The following GHR variants were observed in gnomAD, a reference collection of about 807,000 sequenced individuals.
GHR encodes growth hormone receptor.
GHR carries 35 observed loss-of-function variants against 67.1 expected under a neutral mutation model. The ratio of observed to expected loss-of-function variants is 0.52; its 90% confidence interval spans 0.40 to 0.69. The LOEUF (loss-of-function observed/expected upper bound fraction) is 0.69, where lower values mean the gene tolerates loss of function less well. Ranked by LOEUF, GHR falls within the 30% of genes least tolerant of loss-of-function variation. The pLI is 0.00. For synonymous variants in GHR, 272 were observed against 269.1 expected, an observed-to-expected ratio of 1.01 and a Z score of -0.10; for missense variants, 792 against 764.6, an observed-to-expected ratio of 1.04 and a Z score of -0.42.
chr5:42,514,941 A>T (rs1272475451), intron 1 of GHR: 1 of 152,178 alleles, frequency 6.6e-6, no homozygotes, highest in African/African-American at 2.4e-5. Context: ...TCTGAAAGTA[A>T]ACAGTCTCAT....
At chr5:42,718,207 A>C in intron 9 of GHR, 86 bp downstream of exon 9, 1 of 794,510 alleles carries the variant, frequency 1.3e-6, no homozygotes, top group South Asian at 1.5e-5. Context: ...TCTGTAAGCT[A>C]TATATATCAC....
intron 2 of GHR, among the ~76,000 whole-genome samples, chr5:42,624,676 T>C (rs914001077): frequency 2.4e-4 from 36 of 152,240 alleles, no homozygotes; most frequent in Non-Finnish European, 1.2e-4. Flanking sequence ...ACTTAATTTT[T>C]TTCTTCCTTT....
chr5:42,714,951 C>A (rs1758648099), intron 8 of GHR, among the ~76,000 whole-genome samples: 2 of 152,126 alleles, frequency 1.3e-5, no homozygotes, highest in Middle Eastern at 3.4e-3. Flanking sequence ...GAATTTCTAG[C>A]CATTGTGAAG....
chr5:42,600,949 G>A (rs1392937908), intron 2 of GHR, among the ~76,000 whole-genome samples: 7 of 61,914 alleles, frequency 1.1e-4, no homozygotes, highest in Non-Finnish European at 1.9e-4. Flanking sequence ...TTTTTGTGAC[G>A]GAGTTTTGCT....
Position 42,424,786 on chromosome 5 carries a change from A to G in GHR, c.-12+831A>G, listed in dbSNP as rs2111853702. ...CAGGGCACTTGCGAGTGCGTGGGGA[A>G]GTCTATTTGGGGCGAGTGCTTTATA... is the stretch of plus-strand genomic sequence containing the variant. On this transcript the variant is annotated intron_variant, in intron 1 of 9. Transcript: ENST00000230882. This position sits in a 1 kb window ranked among gnomAD's most constrained non-coding sequence, Gnocchi z 4.1. 6.6e-6 allele frequency among the ~76,000 whole-genome samples: 1 copy of G among 152,134 alleles called. No homozygotes were observed. Among genetic ancestry groups the G allele is most frequent in the African/African-American group, 2.4e-5 (1 of 41,534 alleles).
chr5:42,534,580 G>A (rs983437847), intron 1 of GHR, among the ~76,000 whole-genome samples: 2 of 151,774 alleles, frequency 1.3e-5, no homozygotes, highest in African/African-American at 4.8e-5. Flanking sequence ...GAGCATTTGG[G>A]TTGGTTCCAT....
chr5:42,711,194 T>A lies in GHR; in HGVS notation c.619-13T>A, dbSNP rs778491280. ...CTCTTTGGCCAATATGCGTTTATAT[T>A]TTGTCTTGAAAGATGGACCCTATAT... On this transcript the variant is annotated splice_polypyrimidine_tract_variant and intron_variant, in intron 6 of 9. Transcript: ENST00000230882. The A allele has an allele frequency of 2.5e-6, 4 of 1,607,922 alleles. No individual in the cohort carries two copies. The highest frequency in any genetic ancestry group is 3.4e-6 in the Non-Finnish European group (4 of 1,174,482).
intron 1 of GHR, among the ~76,000 whole-genome samples, chr5:42,518,844 C>T (rs143434808): frequency 6.6e-6 from 1 of 152,078 alleles, no homozygotes; most frequent in East Asian, 1.9e-4. Context: ...AATGTAAACA[C>T]AAGTAAGCAT....
At chr5:42,530,856 G>A (rs1245562509) in intron 1 of GHR, among the ~76,000 whole-genome samples, 1 of 152,152 alleles carries the variant, frequency 6.6e-6, no homozygotes, top group Admixed American at 6.5e-5. Context: ...CATCTCTTTG[G>A]AATAGGTTTG....
rs368300083 is a variant in GHR at position 42,662,184 on chromosome 5, T to C, written c.137-26706T>C. Among the ~76,000 whole-genome samples, 187 of 152,222 alleles carry C rather than the reference T, an allele frequency of 1.2e-3. 1 individual carries two copies. The East Asian group carries it at 0.02, about 17-fold the overall frequency. On this transcript the variant is annotated intron_variant, in intron 3 of 9. Transcript: ENST00000230882. ...GACTTTAACAGCCCACTGTCAACAT[T>C]AGACAGATCAACGGGACAGAAAGTT...
In GHR at chr5:42,565,393, T is replaced by A. The variant is rs371506711; in HGVS notation, c.-11-471T>A. Reference sequence around the variant, plus strand: ...CTCGTTTTGAGTGGTTTGAGCTCTTTTGTTCACTGGGAAACAGATTTATGA... The same window carrying A: ...CTCGTTTTGAGTGGTTTGAGCTCTTATGTTCACTGGGAAACAGATTTATGA... On this transcript the variant is annotated intron_variant, in intron 1 of 9. Coordinates refer to ENST00000230882, the MANE Select transcript of GHR (RefSeq NM_000163.5). 63 of 940,688 alleles carry A rather than the reference T, an allele frequency of 6.7e-5. No homozygotes were observed. The African/African-American group carries it at 1.0e-3, about 16-fold the overall frequency. 58.3% of individuals were successfully genotyped at this position (940,688 alleles called of 1,614,324 possible).
chr5:42,597,120 AT>A (rs968826367), intron 2 of GHR, among the ~76,000 whole-genome samples: 1 of 152,074 alleles, frequency 6.6e-6, no homozygotes, highest in African/African-American at 2.4e-5. Context: ...GGCTTGTAGC[AT>A]TTTTCTAGTG....
At position 42,424,171 on chromosome 5, in the gene GHR, A is replaced by AGT. The variant is rs1158830359; in HGVS notation, c.-12+263_-12+264dup. ...CTGGTGGGTTGTTGTAACCCAATCT[A>AGT]GTGTGTGTGTGTGTGTGTGTGTGTG... On this transcript the variant is annotated intron_variant, in intron 1 of 9. Transcript: ENST00000230882. This position sits in a 1 kb window ranked among gnomAD's most constrained non-coding sequence, Gnocchi z 4.1. 0.16 allele frequency among the ~76,000 whole-genome samples: 16,230 copies of AGT among 100,350 alleles called. 1,637 individuals are homozygous for AGT. The highest frequency in any genetic ancestry group is 0.2 in the East Asian group (657 of 3,214). The allele number at this position is 100,350 out of a possible 152,430, so 65.8% of individuals were successfully genotyped here.
At chr5:42,463,992 C>CAAAAAAAAA (rs70991406) in intron 1 of GHR, among the ~76,000 whole-genome samples, 1 of 46,518 alleles carries the variant, frequency 2.1e-5, no homozygotes, top group Non-Finnish European at 3.6e-5. Context: ...GACTCCGTCT[C>CAAAAAAAAA]AAAAAAAAAA....
At chr5:42,670,122 T>C (rs1471367645) in intron 3 of GHR, among the ~76,000 whole-genome samples, 1 of 152,178 alleles carries the variant, frequency 6.6e-6, no homozygotes, top group Non-Finnish European at 1.5e-5. Context: ...TTTCAAAATA[T>C]ATTACAAAGC....
rs566154920 is a variant in GHR, at chr5:42,664,546, G to C, written c.137-24344G>C. Among the ~76,000 whole-genome samples, 179 of 152,270 alleles carry C rather than the reference G, an allele frequency of 1.2e-3. 2 individuals carry two copies. Among genetic ancestry groups the C allele is most frequent in the Admixed American group, 9.9e-3 (151 of 15,302 alleles). On this transcript the variant is annotated intron_variant, in intron 3 of 9. Coordinates refer to ENST00000230882, the MANE Select transcript of GHR (RefSeq NM_000163.5). ...TGGGAAAACTGGCTAGCCATATGTA[G>C]AAAGCTGAAACTGGATCCCTTCCTT...
At chr5:42,610,635 T>C (rs1752845840) in intron 2 of GHR, among the ~76,000 whole-genome samples, 1 of 147,722 alleles carries the variant, frequency 6.8e-6, no homozygotes, top group Non-Finnish European at 1.5e-5. Flanking sequence ...CTGGAAGAGA[T>C]GACCACTGCA....
At chr5:42,605,087 CCT>C (rs1561161356) in intron 2 of GHR, among the ~76,000 whole-genome samples, 27 of 140,454 alleles carry the variant, frequency 1.9e-4, no homozygotes, top group African/African-American at 6.9e-4. Flanking sequence ...ATTTGTGGTG[CCT>C]CTTTTTTTTT....
chr5:42,582,580 G>T (rs1244514227), intron 2 of GHR, among the ~76,000 whole-genome samples: 1 of 152,192 alleles, frequency 6.6e-6, no homozygotes, highest in African/African-American at 2.4e-5. Context: ...AAGAACTCAG[G>T]ACCCACTTAA....
Sources: allele counts gnomAD v4.1 joint callset (sites outside exome capture counted in the v4.1 genomes callset), GRCh38; gene constraint gnomAD v4.1.1; non-coding constraint Gnocchi (gnomAD v3.1); transcripts MANE v1.5; gene names NCBI Gene and HGNC (gene_info 2026-07-23, HGNC 2026-07-21).